The following EEF2K variants were observed in gnomAD, a reference collection of about 807,000 sequenced individuals.
The protein encoded by EEF2K is alternative protein EEF2K.
A neutral mutation model predicts 93.8 loss-of-function variants in EEF2K; 70 were observed. That is an observed-to-expected ratio of 0.75 (90% CI 0.62 to 0.91). The LOEUF is 0.91. EEF2K is among the 40% of genes least tolerant of loss of function. The pLI, the probability that EEF2K is intolerant of heterozygous loss-of-function variation, is 0.00. For missense variants in EEF2K, 935 were observed against 972.9 expected (o/e 0.96, Z 0.52); for synonymous variants, 376 against 380.8 (o/e 0.99, Z 0.15).
intron 13 of EEF2K, among the ~76,000 whole-genome samples, 166 bp from the exon 14 acceptor site, chr16:22,266,221 CAAA>C (rs371101977): frequency 8.1e-6 from 1 of 123,158 alleles, no homozygotes; most frequent in African/African-American, 3.1e-5. Context: ...GACTCTGTCT[CAAA>C]AAAAAAAAAA....
intron 11 of EEF2K, among the ~76,000 whole-genome samples, chr16:22,262,793 C>A (rs534397369): frequency 6.6e-6 from 1 of 152,294 alleles, no homozygotes; most frequent in East Asian, 1.9e-4. Context: ...AAGGTCTCAG[C>A]TGGCAAGAAA....
chr16:22,260,623 GCAGC>G, intron 11 of EEF2K, 94 bp downstream of exon 11: 1 of 1,522,484 alleles, frequency 6.6e-7, no homozygotes, highest in Non-Finnish European at 9.1e-7. Flanking sequence ...TCGGAGGTGG[GCAGC>G]CTAGCCCAGG....
chr16:22,277,333 C>G (rs2047647137), intron 16 of EEF2K, among the ~76,000 whole-genome samples: 1 of 152,090 alleles, frequency 6.6e-6, no homozygotes, highest in Non-Finnish European at 1.5e-5. Flanking sequence ...TGGGGTTTTG[C>G]CATGTTGCCC....
intron 9 of EEF2K, 75 bp downstream of exon 9, chr16:22,257,845 G>A (rs560718483): frequency 1.3e-6 from 2 of 1,570,002 alleles, no homozygotes; most frequent in Non-Finnish European, 1.7e-6. Context: ...GCTCCCCTGT[G>A]TGGTGACAGC....
chr16:22,227,176 A>G (rs113480948), intron 2 of EEF2K, among the ~76,000 whole-genome samples: 6 of 152,214 alleles, frequency 3.9e-5, no homozygotes, highest in Non-Finnish European at 8.8e-5. Flanking sequence ...TCCAGCCTGG[A>G]CAGCAAGAGT....
chr16:22,222,647 A>T (rs1458176663), intron 1 of EEF2K, among the ~76,000 whole-genome samples: 1 of 150,092 alleles, frequency 6.7e-6, no homozygotes. Flanking sequence ...AGGTGGGCAG[A>T]TCACAAGTTC....
chr16:22,270,039 C>T (rs1376515589), intron 15 of EEF2K, among the ~76,000 whole-genome samples: 1 of 151,730 alleles, frequency 6.6e-6, no homozygotes, highest in East Asian at 1.9e-4. Flanking sequence ...CTCACTGCAA[C>T]CTCCACCACC....
chr16:22,245,117 C>T (rs75903228), intron 3 of EEF2K, among the ~76,000 whole-genome samples: 1,896 of 151,998 alleles, frequency 0.012, 15 homozygotes, highest in Non-Finnish European at 0.019. Context: ...CAAAAATTAG[C>T]CATAGCCAAG....
chr16:22,264,580 G>A (rs193190803), intron 12 of EEF2K, among the ~76,000 whole-genome samples: 27 of 152,284 alleles, frequency 1.8e-4, no homozygotes, highest in African/African-American at 6.5e-4. Context: ...CACACGGAGG[G>A]GGACAGCAAG....
intron 6 of EEF2K, among the ~76,000 whole-genome samples, chr16:22,254,018 G>A (rs1321041142): frequency 6.6e-6 from 1 of 152,164 alleles, no homozygotes; most frequent in Admixed American, 6.6e-5. Flanking sequence ...AGAATCACTT[G>A]AACACGAGAG....
At chr16:22,248,999 G>C (rs989758251) in intron 4 of EEF2K, among the ~76,000 whole-genome samples, 184 bp downstream of exon 4, 6 of 146,944 alleles carry the variant, frequency 4.1e-5, no homozygotes, top group African/African-American at 1.5e-4. Flanking sequence ...TTTGAGACAG[G>C]GTCTCACTCT....
At chr16:22,255,259 CA>C (rs2047388244) in intron 6 of EEF2K, among the ~76,000 whole-genome samples, 1 of 152,154 alleles carries the variant, frequency 6.6e-6, no homozygotes, top group African/African-American at 2.4e-5. Flanking sequence ...AACAGACCCA[CA>C]AAATATGTGT....
intron 16 of EEF2K, among the ~76,000 whole-genome samples, chr16:22,278,026 A>G (rs900551814): frequency 6.6e-6 from 1 of 151,436 alleles, no homozygotes; most frequent in Non-Finnish European, 1.5e-5. Flanking sequence ...GCAACCTGGT[A>G]AGAGTGTGTC....
At chr16:22,283,763 A>C in intron 17 of EEF2K, 124 bp from the exon 18 acceptor site, 1 of 889,174 alleles carries the variant, frequency 1.1e-6, no homozygotes, top group Non-Finnish European at 1.8e-6. Context: ...GAGAGGGCAC[A>C]CGGAGTAGTT....
chr16:22,231,998 CA>C (rs35198909), intron 2 of EEF2K, among the ~76,000 whole-genome samples: 91 of 65,998 alleles, frequency 1.4e-3, no homozygotes, highest in Admixed American at 3.0e-3. Context: ...CTTAAACAAA[CA>C]AAAAAAAAAA....
rs143168138 is a variant in EEF2K, at chr16:22,280,201, C to T, written c.1893C>T (p.Cys631=). ...TCCCTCTGTATCTCCTGGCAAGGTG[C>T]CAAGACTGGCTAGAGGCCCTGCACT... The part of the protein sequence containing the change: ...DSGQNLSPDR[C]QDWLEALHWY... The change falls in exon 17 of 18, where the codon TGC becomes TGT. Residue 631 remains cysteine (C), a synonymous_variant. Transcript: ENST00000263026. 141 of 1,498,080 alleles carry T rather than the reference C, an allele frequency of 9.4e-5. No homozygotes were observed. Among genetic ancestry groups the T allele is most frequent in the Admixed American group, 2.2e-4 (10 of 45,916 alleles). 92.8% of individuals were successfully genotyped at this position (1,498,080 alleles called of 1,614,324 possible).
At position 22,263,144 on chromosome 16, in the gene EEF2K, G is replaced by T; in HGVS notation, c.1334G>T (p.Ser445Ile). The T allele has an allele frequency of 6.2e-7, 1 of 1,613,068 alleles. No homozygotes were observed. Among genetic ancestry groups the T allele is most frequent in the Non-Finnish European group, 8.5e-7 (1 of 1,179,472 alleles). The change falls in exon 12 of 18, where the codon AGT (serine) becomes ATT (isoleucine). Residue 445 changes from serine to isoleucine, a missense_variant. Transcript: ENST00000263026. ...SENSGDSGYP[S>I]EKRGELDDPE... ...AATAGTGGGGACAGCGGATACCCCA[G>T]TGAGAAGCGGGGTGAGCTGGATGAC...
chr16:22,217,263 A>G (rs1171970501), intron 1 of EEF2K, among the ~76,000 whole-genome samples: 1 of 151,572 alleles, frequency 6.6e-6, no homozygotes, highest in African/African-American at 2.4e-5. Flanking sequence ...GAAGGATAAC[A>G]CTGAGAATAG....
rs1022934573 is a variant in EEF2K, at chr16:22,284,724, C to A, written c.*728C>A. 1 of 151,910 alleles carries A rather than the reference C, an allele frequency of 6.6e-6. No individual in the cohort carries two copies. Among genetic ancestry groups the A allele is most frequent in the Non-Finnish European group, 1.5e-5 (1 of 68,016 alleles). 9.4% of individuals were successfully genotyped at this position (151,910 alleles called of 1,614,324 possible). ...GGACTGAAATGTCGGGCCCATGGAG[C>A]CCTGTGTTTTGTGCATCGGGATGAG... On this transcript the variant is annotated 3_prime_UTR_variant, in exon 18 of 18. Transcript: ENST00000263026.
Sources: allele counts gnomAD v4.1 joint callset (sites outside exome capture counted in the v4.1 genomes callset), GRCh38; gene constraint gnomAD v4.1.1; transcripts MANE v1.5; gene names NCBI Gene and HGNC (gene_info 2026-07-23, HGNC 2026-07-21).